The following CEP120 variants were observed in gnomAD, a reference collection of about 807,000 sequenced individuals.
The protein encoded by CEP120 is centrosomal protein of 120 kDa.
Under a neutral mutation model 126.5 loss-of-function variants are expected in CEP120, and 113 were observed. The ratio of observed to expected loss-of-function variants is 0.89; its 90% CI spans 0.77 to 1.04. CEP120 has a LOEUF of 1.04. Ranked by LOEUF, CEP120 falls within the 50% of genes least tolerant of loss-of-function variation. The pLI, the probability that CEP120 is intolerant of heterozygous loss-of-function variation, is 0.00. For synonymous variants in CEP120, 400 were observed against 394.3 expected (o/e 1.01, Z -0.17); for missense variants, 1,230 against 1,155.7 (o/e 1.06, Z -0.93).
chr5:123,373,342 A>T (rs183223627), intron 16 of CEP120, among the ~76,000 whole-genome samples: 1 of 152,096 alleles, frequency 6.6e-6, no homozygotes, highest in Non-Finnish European at 1.5e-5. Flanking sequence ...AAAGAAGGAA[A>T]AAGAAACCAG....
intron 4 of CEP120, among the ~76,000 whole-genome samples, chr5:123,405,500 G>T (rs1490700449): frequency 6.6e-6 from 1 of 152,210 alleles, no homozygotes; most frequent in African/African-American, 2.4e-5. Context: ...GGTTCTATCA[G>T]AGCCTAACTG....
At chr5:123,420,511 G>T (rs1028169985) in intron 1 of CEP120, among the ~76,000 whole-genome samples, 1 of 152,188 alleles carries the variant, frequency 6.6e-6, no homozygotes, top group Admixed American at 6.5e-5. Context: ...CCAAAGGGAT[G>T]AGAATACATG....
intron 1 of CEP120, among the ~76,000 whole-genome samples, chr5:123,420,387 G>C (rs1019807118): frequency 6.6e-6 from 1 of 152,144 alleles, no homozygotes. Flanking sequence ...CCCAAATTTT[G>C]TTCATGGTAA....
At chr5:123,401,965 G>A in intron 4 of CEP120, 1 of 1,596,240 alleles carries the variant, frequency 6.3e-7, no homozygotes. Flanking sequence ...TTCTGCTGCT[G>A]CAGGAGGCTC....
chr5:123,389,753 G>A (rs899254547), intron 8 of CEP120, among the ~76,000 whole-genome samples, 171 bp downstream of exon 8: 3 of 152,166 alleles, frequency 2.0e-5, no homozygotes, highest in Non-Finnish European at 4.4e-5. Flanking sequence ...ACCTGCCTCG[G>A]TCTTCCAAAG....
chr5:123,398,244 A>G (rs1772928463), intron 5 of CEP120, among the ~76,000 whole-genome samples: 1 of 152,178 alleles, frequency 6.6e-6, no homozygotes, highest in South Asian at 2.1e-4. Context: ...AGGAGGGAAA[A>G]AAAAAGGGAA....
intron 3 of CEP120, among the ~76,000 whole-genome samples, chr5:123,414,639 C>T (rs757650050): frequency 7.9e-5 from 12 of 151,956 alleles, no homozygotes; most frequent in Non-Finnish European, 1.6e-4. Context: ...TTTCTAAAGT[C>T]GGTCACATAC....
At chr5:123,402,238 A>G in intron 4 of CEP120, 1 of 1,512,794 alleles carries the variant, frequency 6.6e-7, no homozygotes, top group Non-Finnish European at 9.1e-7. Flanking sequence ...GAGAAGCTTG[A>G]GGAGCTGATG....
chr5:123,413,420 A>G (rs1455214935), intron 3 of CEP120, among the ~76,000 whole-genome samples: 2 of 152,160 alleles, frequency 1.3e-5, no homozygotes, highest in Non-Finnish European at 2.9e-5. Context: ...TGATACTCGA[A>G]CAAAAGCCTT....
intron 17 of CEP120, among the ~76,000 whole-genome samples, chr5:123,372,140 T>C (rs558414261): frequency 1.4e-4 from 22 of 152,192 alleles, no homozygotes; most frequent in Admixed American, 1.3e-3. Context: ...TGCAAGTCTG[T>C]GGTTCAAATG....
intron 18 of CEP120, chr5:123,358,184 A>C (rs1163918053): frequency 6.6e-6 from 1 of 152,134 alleles, no homozygotes; most frequent in Non-Finnish European, 1.5e-5. Context: ...CTTTTAATAT[A>C]TCTTATGTTA....
intron 18 of CEP120, among the ~76,000 whole-genome samples, chr5:123,354,337 A>G (rs1485354780): frequency 3.9e-5 from 6 of 152,234 alleles, no homozygotes; most frequent in Non-Finnish European, 7.4e-5. Flanking sequence ...CAACTTCGCT[A>G]AATGTTCCAT....
At chr5:123,384,888 C>A (rs1580689227) in intron 11 of CEP120, 63 bp downstream of exon 11, 3 of 1,398,016 alleles carry the variant, frequency 2.1e-6, no homozygotes, top group African/African-American at 1.5e-5. Flanking sequence ...TGGTGGCTGA[C>A]TAATCAAAAT....
Position 123,391,342 on chromosome 5 carries a change from T to C in CEP120, c.811-5A>G, listed in dbSNP as rs780648508. The C allele has an allele frequency of 2.7e-5, 43 of 1,601,124 alleles. No homozygotes were observed. ...GTCTCCACAGCAGAGGTGAATCTAA[T>C]ATGAAAGGGAAAAATCAAAATAGGG... On this transcript the variant is annotated splice_region_variant and splice_polypyrimidine_tract_variant and intron_variant, in intron 6 of 19. Coordinates refer to ENST00000306467, the MANE Select transcript of CEP120 (RefSeq NM_001375405.1).
intron 16 of CEP120, among the ~76,000 whole-genome samples, chr5:123,376,723 G>T (rs916086014): frequency 6.6e-6 from 1 of 152,170 alleles, no homozygotes; most frequent in African/African-American, 2.4e-5. Context: ...CAGATATATG[G>T]GTCTAGAGGG....
At chr5:123,402,524 G>A (rs927579264) in intron 4 of CEP120, among the ~76,000 whole-genome samples, 1 of 152,118 alleles carries the variant, frequency 6.6e-6, no homozygotes, top group East Asian at 1.9e-4. Context: ...CAATTCTGCT[G>A]CCTCCGCCTC....
At chr5:123,388,286 A>G (rs1208201685) in intron 9 of CEP120, 146 bp downstream of exon 9, 1 of 448,146 alleles carries the variant, frequency 2.2e-6, no homozygotes, top group African/African-American at 2.0e-5. Flanking sequence ...ATTCAAAATC[A>G]TTAGGATATA....
chr5:123,399,360 A>G, intron 4 of CEP120, 76 bp from the exon 5 acceptor site: 1 of 1,376,228 alleles, frequency 7.3e-7, no homozygotes, highest in South Asian at 1.3e-5. Context: ...AACTGATTAT[A>G]TTTTGTAATT....
intron 3 of CEP120, among the ~76,000 whole-genome samples, chr5:123,414,217 C>G (rs1046330173): frequency 2.0e-5 from 3 of 152,140 alleles, no homozygotes; most frequent in Non-Finnish European, 4.4e-5. Context: ...CTTCTAGACA[C>G]TTGCACGCTA....
Sources: allele counts gnomAD v4.1 joint callset (sites outside exome capture counted in the v4.1 genomes callset), GRCh38; gene constraint gnomAD v4.1.1; transcripts MANE v1.5; gene names NCBI Gene and HGNC (gene_info 2026-07-23, HGNC 2026-07-21).